The following PCDHGA3 variants were observed in gnomAD, a reference collection of about 807,000 sequenced individuals.
PCDHGA3 encodes the protein protocadherin gamma-A3.
Under a neutral mutation model 58.5 loss-of-function variants are expected in PCDHGA3, and 40 were observed. The observed-to-expected ratio is 0.68, with a 90% CI of 0.53 to 0.89. The LOEUF is 0.89. Among genes scored for constraint, PCDHGA3 ranks in the 40% least tolerant of loss-of-function variants. The pLI, the probability that PCDHGA3 is intolerant of heterozygous loss-of-function variation, is 0.00. For synonymous variants in PCDHGA3, 530 were observed against 525.7 expected (o/e 1.01, Z -0.11); for missense variants, 1,223 against 1,195.9 (o/e 1.02, Z -0.33).
chr5:141,432,635 G>C lies in PCDHGA3; in HGVS notation c.2425-62172G>C, dbSNP rs754354737. On this transcript the variant is annotated intron_variant, in intron 1 of 3. Transcript: ENST00000253812. The surrounding 1 kb of genome is among the most constrained non-coding windows in gnomAD (Gnocchi z 6.0). ...CTCGGTGGGTCTGCACACGGGCGAG[G>C]TGCGCACGGCGCGAGCCCTGCTGGA... The C allele has an allele frequency of 5.6e-6, 9 of 1,612,886 alleles. No individual in the cohort carries two copies. Among genetic ancestry groups the C allele is most frequent in the Non-Finnish European group, 7.6e-6 (9 of 1,179,742 alleles).
At position 141,487,505 on chromosome 5, in the gene PCDHGA3, G is replaced by GTA; in HGVS notation, c.2425-7302_2425-7301insTA. The GTA allele has an allele frequency of 1.2e-6, 2 of 1,614,200 alleles. No homozygotes were observed. The highest frequency in any genetic ancestry group is 1.7e-6 in the Non-Finnish European group (2 of 1,180,032). ...TCATGGCTGTACACCCTTGGCTTCTGCACCCACTCGGAGTGATAGCTTCAT... is the reference window on the plus strand; with the variant it reads ...TCATGGCTGTACACCCTTGGCTTCTGTACACCCACTCGGAGTGATAGCTTCAT... On this transcript the variant is annotated intron_variant, in intron 1 of 3. Coordinates refer to ENST00000253812, the MANE Select transcript of PCDHGA3 (RefSeq NM_018916.4). This position sits in a 1 kb window ranked among gnomAD's most constrained non-coding sequence, Gnocchi z 5.0.
At chr5:141,419,299 C>T in intron 1 of PCDHGA3, 12 of 1,614,048 alleles carry the variant, frequency 7.4e-6, no homozygotes, top group Non-Finnish European at 1.0e-5. Flanking sequence ...CTGACCCAGA[C>T]TTCGGGCTCA....
chr5:141,345,074 TACA>T lies in PCDHGA3; in HGVS notation c.1043_1045del (p.Thr348del), dbSNP rs1757515927. 6.2e-7 allele frequency: 1 copy of T among 1,613,826 alleles called. No individual in the cohort carries two copies. The highest frequency in any genetic ancestry group is 8.5e-7 in the Non-Finnish European group (1 of 1,179,890). On this transcript the variant is annotated inframe_deletion, in exon 1 of 4. Transcript: ENST00000253812. ...ATGTGAATGACAATGCTCCAGAAAT[TACA>T]ATCACGTCTCTCACAAGCTCAGTCC... is the stretch of plus-strand genomic sequence containing the variant.
chr5:141,413,910 C>T, intron 1 of PCDHGA3: 1 of 1,613,376 alleles, frequency 6.2e-7, no homozygotes, highest in Non-Finnish European at 8.5e-7. Flanking sequence ...ACGCGCCGGT[C>T]TTCACCTTGC....
At position 141,449,665 on chromosome 5, in the gene PCDHGA3, G is replaced by T. The variant is rs144213743; in HGVS notation, c.2425-45142G>T. 9.3e-5 allele frequency among the ~76,000 whole-genome samples: 14 copies of T among 150,156 alleles called. No individual in the cohort carries two copies. In the East Asian group the frequency reaches 2.7e-3, roughly 29 times the overall value. Reference sequence around the variant, plus strand: ...TATACATATTTACATACACACCCAAGTGTGTATGTATATATGTTTGTGTGT... The same window carrying T: ...TATACATATTTACATACACACCCAATTGTGTATGTATATATGTTTGTGTGT... On this transcript the variant is annotated intron_variant, in intron 1 of 3. Coordinates refer to ENST00000253812, the MANE Select transcript of PCDHGA3 (RefSeq NM_018916.4).
intron 2 of PCDHGA3, among the ~76,000 whole-genome samples, chr5:141,498,956 A>G (rs547381859): frequency 2.4e-5 from 3 of 124,058 alleles, no homozygotes; most frequent in African/African-American, 6.3e-5. Context: ...AAAAAGAGAG[A>G]GAGGGAGGGA....
chr5:141,456,299 A>G (rs11167748), intron 1 of PCDHGA3, among the ~76,000 whole-genome samples: 25,602 of 152,048 alleles, frequency 0.17, 2,205 homozygotes, highest in South Asian at 0.22. Context: ...TCTAATGGAG[A>G]ACAGCAGCTA....
In PCDHGA3 at chr5:141,347,012, C is replaced by CCTCTCTCTTTCCTCCTTCCTTCCTTCCT. The variant is rs1554073351; in HGVS notation, c.2424+584_2424+611dup. On this transcript the variant is annotated intron_variant, in intron 1 of 3. Transcript: ENST00000253812. ...TTTTTTTCTTTCTCCTTCCTTCCTTCCTCTCTCTTTCCTCCTTCCTTCCTT... is the reference window on the plus strand; with the variant it reads ...TTTTTTTCTTTCTCCTTCCTTCCTTCCTCTCTCTTTCCTCCTTCCTTCCTTCCTCTCTCTCTTTCCTCCTTCCTTCCTT... Among the ~76,000 whole-genome samples, 282 of 150,860 alleles carry CCTCTCTCTTTCCTCCTTCCTTCCTTCCT rather than the reference C, an allele frequency of 1.9e-3. 2 individuals carry two copies. Among genetic ancestry groups the CCTCTCTCTTTCCTCCTTCCTTCCTTCCT allele is most frequent in the Admixed American group, 5.1e-3 (77 of 15,066 alleles).
At chr5:141,347,891 T>A (rs540450444) in intron 1 of PCDHGA3, among the ~76,000 whole-genome samples, 23 of 152,318 alleles carry the variant, frequency 1.5e-4, no homozygotes, top group African/African-American at 5.3e-4. Flanking sequence ...GATTTCAACA[T>A]TTTGCCTGAG....
At chr5:141,452,421 C>A (rs1211472567) in intron 1 of PCDHGA3, among the ~76,000 whole-genome samples, 2 of 152,180 alleles carry the variant, frequency 1.3e-5, no homozygotes, top group Non-Finnish European at 2.9e-5. Context: ...ATGCTCACTG[C>A]TAATGGGCTG....
chr5:141,372,704 A>G lies in PCDHGA3; in HGVS notation c.2424+26247A>G, dbSNP rs1768986926. The G allele has an allele frequency of 5.6e-6, 9 of 1,613,992 alleles. 1 individual carries two copies. The South Asian group carries it at 8.8e-5, about 16-fold the overall frequency. ...ACACCGAGTTTAAATTTCTCAATAT[A>G]AAGGCTGAAAATGCTGCACCACAAG... is the stretch of plus-strand genomic sequence containing the variant. On this transcript the variant is annotated intron_variant, in intron 1 of 3. Coordinates refer to ENST00000253812, the MANE Select transcript of PCDHGA3 (RefSeq NM_018916.4).
chr5:141,355,386 CGG>C (rs1561508690), intron 1 of PCDHGA3: 1 of 1,614,032 alleles, frequency 6.2e-7, no homozygotes, highest in East Asian at 2.2e-5. Flanking sequence ...TGGCGGAGCG[CGG>C]AGTCCGCATC....
intron 1 of PCDHGA3, chr5:141,399,802 C>G: frequency 3.1e-6 from 5 of 1,613,252 alleles, no homozygotes; most frequent in Non-Finnish European, 3.4e-6. Flanking sequence ...ACCGCGGGTG[C>G]TGTACCCCGC....
chr5:141,366,257 G>C (rs1420756511), intron 1 of PCDHGA3: 1 of 1,613,694 alleles, frequency 6.2e-7, no homozygotes, highest in Non-Finnish European at 8.5e-7. Context: ...GCAGAGCCTC[G>C]TGGTGGCCGT....
chr5:141,404,167 G>C, intron 1 of PCDHGA3: 1 of 1,612,946 alleles, frequency 6.2e-7, no homozygotes, highest in South Asian at 1.1e-5. Context: ...ACAGATTGTT[G>C]ACGGCCCAAA....
At chr5:141,471,046 CTT>C (rs1170588345) in intron 1 of PCDHGA3, among the ~76,000 whole-genome samples, 2,578 of 113,210 alleles carry the variant, frequency 0.023, 53 homozygotes, top group East Asian at 0.11. Context: ...CCCAAGCCCT[CTT>C]TTTTTTTTTT....
At chr5:141,501,871 C>T (rs562714939) in intron 2 of PCDHGA3, among the ~76,000 whole-genome samples, 3 of 152,244 alleles carry the variant, frequency 2.0e-5, no homozygotes, top group African/African-American at 7.2e-5. Context: ...CAGGACGCCT[C>T]CTTACACTCC....
At chr5:141,365,613 G>T in intron 1 of PCDHGA3, 1 of 1,613,548 alleles carries the variant, frequency 6.2e-7, no homozygotes, top group East Asian at 2.2e-5. Flanking sequence ...ATGGACCATG[G>T]AACCCCGCCC....
intron 1 of PCDHGA3, chr5:141,410,752 G>GT: frequency 4.4e-6 from 5 of 1,130,822 alleles, no homozygotes; most frequent in Non-Finnish European, 5.8e-6. Context: ...TTTTCTCAAT[G>GT]TTTTTTCAAT....
Sources: allele counts gnomAD v4.1 joint callset (sites outside exome capture counted in the v4.1 genomes callset), GRCh38; gene constraint gnomAD v4.1.1; non-coding constraint Gnocchi (gnomAD v3.1); transcripts MANE v1.5; gene names NCBI Gene and HGNC (gene_info 2026-07-23, HGNC 2026-07-21).